Variants in SLC36A4 observed in about 807,000 individuals in gnomAD.
SLC36A4 encodes neutral amino acid uniporter 4.
SLC36A4 carries 49 observed loss-of-function variants against 50.5 expected under a neutral mutation model. The observed-to-expected ratio is 0.97, with a 90% confidence interval of 0.77 to 1.23. The LOEUF (loss-of-function observed/expected upper bound fraction) is 1.23, where lower values mean the gene tolerates loss of function less well. SLC36A4 is among the 50% of genes most tolerant of loss of function. The pLI is 0.00. For synonymous variants in SLC36A4, 207 were observed against 206.5 expected (o/e 1.00, Z -0.02); for missense variants, 611 against 608.4 (o/e 1.00, Z -0.05).
At chr11:93,195,004 G>A (rs531792393) in intron 1 of SLC36A4, among the ~76,000 whole-genome samples, 7 of 152,030 alleles carry the variant, frequency 4.6e-5, no homozygotes, top group Admixed American at 2.6e-4. Flanking sequence ...GCTATTGTCC[G>A]GAGCCCTCAG....
intron 2 of SLC36A4, 197 bp downstream of exon 2, chr11:93,185,494 T>C: frequency 2.5e-6 from 1 of 402,684 alleles, no homozygotes; most frequent in Non-Finnish European, 4.3e-6. Context: ...TTACGCATCA[T>C]CACTCCAGTA....
In SLC36A4 at chr11:93,162,219, T is replaced by A. The variant is rs566044802; in HGVS notation, c.1037+487A>T. 7.0e-3 allele frequency among the ~76,000 whole-genome samples: 1,072 copies of A among 152,284 alleles called. 13 individuals are homozygous for A. The highest frequency in any genetic ancestry group is 0.013 in the Non-Finnish European group (853 of 68,016). ...AAAACTCCAATTTTAAATATTTTTT[T>A]AAAAATCCCACAAGAACCCTAAGTT... is the stretch of plus-strand genomic sequence containing the variant. On this transcript the variant is annotated intron_variant, in intron 9 of 10. Coordinates refer to ENST00000326402, the MANE Select transcript of SLC36A4 (RefSeq NM_152313.4).
At position 93,182,824 on chromosome 11, in the gene SLC36A4, C is replaced by T. The variant is rs1453827584; in HGVS notation, c.341G>A (p.Ser114Asn). 5.0e-6 allele frequency: 8 copies of T among 1,610,538 alleles called. No individual in the cohort carries two copies. Among genetic ancestry groups the T allele is most frequent in the Non-Finnish European group, 6.8e-6 (8 of 1,178,204 alleles). Residue 114 changes from serine (S) to asparagine (N), a missense_variant, in exon 4 of 11, where the codon AGT (serine) becomes AAT (asparagine). By Grantham distance (46) the Ser-to-Asn change is conservative (BLOSUM62 1). Transcript: ENST00000326402. ...CATTTACCTCAGACATAGAAAGTGA[C>T]TGCAACGTACCAATATGTGCATACA... ...VHCMHILVRC[S>N]HFLCLRFKKS...
At chr11:93,159,933 C>T in intron 9 of SLC36A4, 1 of 985,392 alleles carries the variant, frequency 1.0e-6, no homozygotes, top group Middle Eastern at 5.2e-4. Flanking sequence ...CATTAGTTCT[C>T]TAGGATACTC....
At chr11:93,176,838 T>G (rs1431056935) in intron 6 of SLC36A4, among the ~76,000 whole-genome samples, 1 of 152,230 alleles carries the variant, frequency 6.6e-6, no homozygotes, top group African/African-American at 2.4e-5. Context: ...CTGATGGGCT[T>G]CCCTTTGCAG....
intron 6 of SLC36A4, among the ~76,000 whole-genome samples, chr11:93,178,490 T>C (rs991026267): frequency 2.6e-5 from 4 of 152,184 alleles, no homozygotes; most frequent in Admixed American, 6.5e-5. Context: ...CTTGGAGCTG[T>C]AGACTGGCGC....
At chr11:93,171,652 T>C (rs955367279) in intron 6 of SLC36A4, 2 of 152,036 alleles carry the variant, frequency 1.3e-5, no homozygotes, top group South Asian at 4.1e-4. Flanking sequence ...CTTGAGAAGA[T>C]AGGTATTCAA....
chr11:93,161,379 T>C (rs1860610454), intron 9 of SLC36A4, among the ~76,000 whole-genome samples: 2 of 152,208 alleles, frequency 1.3e-5, no homozygotes, highest in African/African-American at 4.8e-5. Context: ...CACCTTGAAA[T>C]ATATTTGTAA....
intron 9 of SLC36A4, among the ~76,000 whole-genome samples, chr11:93,158,018 A>T (rs79899981): frequency 9.2e-5 from 14 of 152,342 alleles, no homozygotes; most frequent in African/African-American, 3.1e-4. Context: ...TACAAGAGTA[A>T]GAAGAAATTT....
chr11:93,183,538 G>C (rs1861833198), intron 3 of SLC36A4, among the ~76,000 whole-genome samples: 2 of 152,012 alleles, frequency 1.3e-5, no homozygotes, highest in African/African-American at 4.8e-5. Context: ...TTTTTAGAAA[G>C]TGGTCTATTC....
intron 1 of SLC36A4, among the ~76,000 whole-genome samples, chr11:93,190,582 TA>T (rs1862174897): frequency 2.0e-5 from 3 of 152,220 alleles, no homozygotes. Flanking sequence ...TAAAGTAAGT[TA>T]ATTTTTCGAA....
At chr11:93,177,381 C>A (rs564604581) in intron 6 of SLC36A4, among the ~76,000 whole-genome samples, 1 of 152,102 alleles carries the variant, frequency 6.6e-6, no homozygotes, top group Non-Finnish European at 1.5e-5. Flanking sequence ...AGCTTCTCTG[C>A]GAAGGGTTCG....
rs1263746794 is a variant in SLC36A4 at position 93,168,122 on chromosome 11, T to C, written c.590A>G (p.Asn197Ser). 5.6e-6 allele frequency: 9 copies of C among 1,612,214 alleles called. No homozygotes were observed. The highest frequency in any genetic ancestry group is 1.1e-5 in the South Asian group (1 of 90,934). ...TCTTCTCTCACAAGGGTTTGATGAATTGGTACTATTTGAAATAAACACTTT... is the reference window on the plus strand; with the variant it reads ...TCTTCTCTCACAAGGGTTTGATGAACTGGTACTATTTGAAATAAACACTTT... ...ESKVFISNST[N>S]SSNPCERRSV... The change falls in exon 7 of 11, where the codon AAT becomes AGT. Residue 197 changes from asparagine (N) to serine (S), a missense_variant. Asn to Ser is a conservative substitution (Grantham distance 46). Coordinates refer to ENST00000326402, the MANE Select transcript of SLC36A4 (RefSeq NM_152313.4).
At chr11:93,159,782 T>C (rs1860536159) in intron 9 of SLC36A4, 1 of 980,386 alleles carries the variant, frequency 1.0e-6, no homozygotes, top group South Asian at 4.7e-5. Flanking sequence ...TAATAATAAC[T>C]TGGAGCTTCT....
At chr11:93,171,660 C>G (rs528737410) in intron 6 of SLC36A4, 1 of 151,998 alleles carries the variant, frequency 6.6e-6, no homozygotes, top group South Asian at 2.1e-4. Flanking sequence ...GATAGGTATT[C>G]AAATAGATAC....
At chr11:93,174,054 T>C (rs796627630) in intron 6 of SLC36A4, among the ~76,000 whole-genome samples, 4,735 of 147,046 alleles carry the variant, frequency 0.032, 88 homozygotes, top group South Asian at 0.061. Context: ...GCCATTTTCA[T>C]GATATTGATT....
At position 93,154,234 on chromosome 11, in the gene SLC36A4, C is replaced by G. The variant is rs755718601; in HGVS notation, c.1081G>C (p.Val361Leu). Residue 361 changes from valine to leucine, a missense_variant, in exon 10 of 11, where the codon GTG becomes CTG. Physicochemically the swap from Val to Leu is conservative, Grantham distance 32. Transcript: ENST00000326402. ...VKILYSFGIF[V>L]TYSIQFYVPA... ...ACATAGAACTGAATTGAATATGTCA[C>G]AAAAATGCCAAAGGAATATAGAATT... is the stretch of plus-strand genomic sequence containing the variant. 3.4e-6 allele frequency: 5 copies of G among 1,490,940 alleles called. No individual in the cohort carries two copies. The highest frequency in any genetic ancestry group is 3.6e-6 in the Non-Finnish European group (4 of 1,117,480). 92.4% of individuals were successfully genotyped at this position (1,490,940 alleles called of 1,614,324 possible).
At position 93,197,874 on chromosome 11, in the gene SLC36A4, C is replaced by G. The variant is rs1314247393; in HGVS notation, c.-42G>C. ...GGACGCCGCCGCCCGAGTGCTCACTCTCCCGCCGCTGCGTGGCCGGCGTCA... is the reference window on the plus strand; with the variant it reads ...GGACGCCGCCGCCCGAGTGCTCACTGTCCCGCCGCTGCGTGGCCGGCGTCA... On this transcript the variant is annotated 5_prime_UTR_variant, in exon 1 of 11. Coordinates refer to ENST00000326402, the MANE Select transcript of SLC36A4 (RefSeq NM_152313.4). The G allele has an allele frequency of 1.0e-5, 15 of 1,507,052 alleles. No homozygotes were observed. The highest frequency in any genetic ancestry group is 1.4e-5 in the African/African-American group (1 of 69,154). The allele number at this position is 1,507,052 out of a possible 1,614,324, so 93.4% of individuals were successfully genotyped here. A position where few individuals can be genotyped will look rare whatever the true frequency, so the allele number is the denominator to read the frequency against.
chr11:93,158,286 G>C (rs1428976019), intron 9 of SLC36A4, among the ~76,000 whole-genome samples: 1 of 151,930 alleles, frequency 6.6e-6, no homozygotes, highest in Non-Finnish European at 1.5e-5. Flanking sequence ...AGTTTAACAG[G>C]ACATTCCTTT....
Sources: gnomAD v4.1 joint callset for allele counts (sites outside exome capture counted in the v4.1 genomes callset) on GRCh38, gnomAD v4.1.1 for gene constraint, MANE v1.5 for transcripts, NCBI Gene and HGNC (gene_info 2026-07-23, HGNC 2026-07-21) for gene names.